The following DSCAM variants were observed in gnomAD, a reference collection of about 807,000 sequenced individuals.
DSCAM encodes cell adhesion molecule DSCAM.
Under a neutral mutation model 217.7 loss-of-function variants are expected in DSCAM, and 47 were observed. The ratio of observed to expected loss-of-function variants is 0.22; its 90% confidence interval spans 0.17 to 0.28. The LOEUF (loss-of-function observed/expected upper bound fraction) is 0.28, where lower values mean the gene tolerates loss of function less well. DSCAM is among the 10% of genes least tolerant of loss of function. DSCAM has a pLI of 1.00. For synonymous variants in DSCAM, 1,056 were observed against 1,015.3 expected, an observed-to-expected ratio of 1.04 and a Z score of -0.76; for missense variants, 2,080 against 2,618.3, an observed-to-expected ratio of 0.79 and a Z score of 4.49.
intron 1 of DSCAM, among the ~76,000 whole-genome samples, chr21:40,817,626 C>T (rs2091891134): frequency 6.6e-6 from 1 of 152,160 alleles, no homozygotes; most frequent in Non-Finnish European, 1.5e-5. Flanking sequence ...TAGGCCTGCT[C>T]CCCGCCACCC....
intron 9 of DSCAM, among the ~76,000 whole-genome samples, chr21:40,310,390 A>C (rs1003362432): frequency 3.9e-5 from 6 of 152,230 alleles, no homozygotes; most frequent in Non-Finnish European, 8.8e-5. Context: ...CTGTTTCTCC[A>C]GTCACACTGA....
At chr21:40,701,395 T>C (rs1033454589) in intron 2 of DSCAM, among the ~76,000 whole-genome samples, 1 of 152,238 alleles carries the variant, frequency 6.6e-6, no homozygotes, top group Admixed American at 6.5e-5. Context: ...TTCATAGATT[T>C]CCTCTATTGT....
At position 40,453,096 on chromosome 21, in the gene DSCAM, T is replaced by TGTGTGTG. The variant is rs1463089787; in HGVS notation, c.509-83852_509-83851insCACACAC. On this transcript the variant is annotated intron_variant, in intron 3 of 32. Transcript: ENST00000400454. ...TGTGTGTGTGTGTGTGTGTGTGAGA[T>TGTGTGTG]ATATGTGTATATCTACACATACATG... is the stretch of plus-strand genomic sequence containing the variant. Among the ~76,000 whole-genome samples, 6 of 131,260 alleles carry TGTGTGTG rather than the reference T, an allele frequency of 4.6e-5. No individual in the cohort carries two copies. The South Asian group carries it at 1.6e-3, about 35-fold the overall frequency. 86.1% of individuals were successfully genotyped at this position (131,260 alleles called of 152,430 possible).
chr21:40,372,894 C>T (rs201519228), intron 3 of DSCAM, among the ~76,000 whole-genome samples: 8 of 152,254 alleles, frequency 5.3e-5, no homozygotes, highest in South Asian at 4.1e-4. Context: ...ATAAATCCAG[C>T]GCTTGGTGTC....
At chr21:40,818,248 A>T (rs76862396) in intron 1 of DSCAM, among the ~76,000 whole-genome samples, 1,501 of 132,778 alleles carry the variant, frequency 0.011, 32 homozygotes, top group South Asian at 0.09. Flanking sequence ...TTTTCTTTTT[A>T]AAAAAAAGAC....
intron 5 of DSCAM, among the ~76,000 whole-genome samples, chr21:40,352,796 G>A (rs1338700353): frequency 6.6e-6 from 1 of 152,152 alleles, no homozygotes; most frequent in Non-Finnish European, 1.5e-5. Context: ...GCAAAATTGA[G>A]GGTGGTTGAG....
chr21:40,475,954 C>T (rs8133506), intron 3 of DSCAM, among the ~76,000 whole-genome samples: 3,351 of 152,270 alleles, frequency 0.022, 117 homozygotes, highest in African/African-American at 0.071. Flanking sequence ...GTAGGACATT[C>T]GAACTATCTG....
At chr21:40,409,004 T>G (rs2075301069) in intron 3 of DSCAM, among the ~76,000 whole-genome samples, 1 of 152,240 alleles carries the variant, frequency 6.6e-6, no homozygotes, top group Admixed American at 6.5e-5. Flanking sequence ...GAGAAATCAC[T>G]AAATATTTAT....
intron 3 of DSCAM, among the ~76,000 whole-genome samples, chr21:40,377,695 A>T (rs2074977042): frequency 6.6e-6 from 1 of 152,036 alleles, no homozygotes; most frequent in South Asian, 2.1e-4. Flanking sequence ...GTAACTCCCC[A>T]GGAAGGGGAG....
At chr21:40,659,319 A>C (rs1273467943) in intron 3 of DSCAM, among the ~76,000 whole-genome samples, 1 of 152,098 alleles carries the variant, frequency 6.6e-6, no homozygotes, top group Non-Finnish European at 1.5e-5. Context: ...ACTTTAAAAC[A>C]TCCTCTGTTC....
intron 3 of DSCAM, among the ~76,000 whole-genome samples, chr21:40,686,260 C>T (rs1448556758): frequency 7.1e-6 from 1 of 141,076 alleles, no homozygotes; most frequent in East Asian, 2.2e-4. Context: ...GCACACACTC[C>T]ACACACACAC....
chr21:40,432,468 T>C (rs969155787), intron 3 of DSCAM, among the ~76,000 whole-genome samples: 4 of 152,164 alleles, frequency 2.6e-5, no homozygotes, highest in Admixed American at 6.6e-5. Flanking sequence ...TACCTTTAGA[T>C]GCCACTCAAA....
At chr21:40,845,838 T>G (rs951056939) in intron 1 of DSCAM, among the ~76,000 whole-genome samples, 2 of 152,198 alleles carry the variant, frequency 1.3e-5, no homozygotes, top group African/African-American at 2.4e-5. Context: ...ACAGGCAGCC[T>G]AAGGTGCAGT....
intron 4 of DSCAM, among the ~76,000 whole-genome samples, chr21:40,360,295 G>A (rs905096785): frequency 6.6e-6 from 1 of 151,750 alleles, no homozygotes; most frequent in African/African-American, 2.4e-5. Flanking sequence ...ACCACGCCCG[G>A]CTAATTTTTT....
intron 1 of DSCAM, among the ~76,000 whole-genome samples, chr21:40,808,860 G>A (rs917202994): frequency 5.9e-5 from 9 of 152,078 alleles, no homozygotes; most frequent in Non-Finnish European, 8.8e-5. Flanking sequence ...AAAGGCAAAC[G>A]CCATTTGCAG....
intron 19 of DSCAM, among the ~76,000 whole-genome samples, chr21:40,130,692 T>C (rs1356649530): frequency 6.6e-6 from 1 of 152,218 alleles, no homozygotes; most frequent in Non-Finnish European, 1.5e-5. Context: ...AATGTGTCCA[T>C]GGAACTGTGA....
chr21:40,823,922 T>C (rs780669783), intron 1 of DSCAM, among the ~76,000 whole-genome samples: 3 of 151,572 alleles, frequency 2.0e-5, no homozygotes, highest in Non-Finnish European at 2.9e-5. Flanking sequence ...TTCTGGCACA[T>C]AGTTTGCAGA....
intron 10 of DSCAM, among the ~76,000 whole-genome samples, chr21:40,290,943 C>T (rs2837553): frequency 0.58 from 87,782 of 151,966 alleles, 27,537 homozygotes; most frequent in African/African-American, 0.84. Context: ...TCTGACAATG[C>T]AGAAAATATT....
chr21:40,414,947 C>A (rs1601624389), intron 3 of DSCAM, among the ~76,000 whole-genome samples: 1 of 152,154 alleles, frequency 6.6e-6, no homozygotes. Context: ...TTTTCTTACC[C>A]TCAATAAAAT....
Sources: gnomAD v4.1 joint callset for allele counts (sites outside exome capture counted in the v4.1 genomes callset) on GRCh38, gnomAD v4.1.1 for gene constraint, MANE v1.5 for transcripts, NCBI Gene and HGNC (gene_info 2026-07-23, HGNC 2026-07-21) for gene names.